The following OAS3 variants were observed in gnomAD, a reference collection of about 807,000 sequenced individuals.
The protein encoded by OAS3 is 2'-5'-oligoadenylate synthetase 3, also known as 2'-5'-oligoadenylate synthase 3.
In OAS3, 107 loss-of-function variants were observed where a neutral mutation model predicts 113.0. That is an observed-to-expected ratio of 0.95 (90% CI 0.81 to 1.11). OAS3 has a LOEUF of 1.11. Among genes scored for constraint, OAS3 ranks in the 50% most tolerant of loss-of-function variants. OAS3 has a pLI of 0.00. For synonymous variants in OAS3, 552 were observed against 573.6 expected, an observed-to-expected ratio of 0.96 and a Z score of 0.54; for missense variants, 1,258 against 1,389.1, an observed-to-expected ratio of 0.91 and a Z score of 1.50.
intron 11 of OAS3, among the ~76,000 whole-genome samples, chr12:112,965,127 C>A (rs1353241743): frequency 2.0e-5 from 3 of 152,222 alleles, no homozygotes; most frequent in Admixed American, 6.5e-5. Context: ...GTTGGAGAGA[C>A]AAGTGAGACC....
In OAS3 at chr12:112,972,190, A is replaced by G. The variant is rs2043990732; in HGVS notation, c.*2217A>G. ...CTGGGCCTCCCCGCAAAATGGCTCC[A>G]GAATTAGAGTAATTATGAGATGGTG... On this transcript the variant is annotated 3_prime_UTR_variant, in exon 16 of 16. Transcript: ENST00000228928. 1 of 152,264 alleles carries G rather than the reference A, an allele frequency of 6.6e-6. No homozygotes were observed. Among genetic ancestry groups the G allele is most frequent in the Admixed American group, 6.5e-5 (1 of 15,290 alleles). The allele number at this position is 152,264 out of a possible 1,614,324, so 9.4% of individuals were successfully genotyped here. A position where few individuals can be genotyped will look rare whatever the true frequency, so the allele number is the denominator to read the frequency against.
rs1273409058 is a variant in OAS3, at chr12:112,969,971, T to G, written c.3262T>G (p.Ter1088GlyextTer2). 1.2e-6 allele frequency: 2 copies of G among 1,608,038 alleles called. No individual in the cohort carries two copies. Among genetic ancestry groups the G allele is most frequent in the Admixed American group, 3.4e-5 (2 of 59,228 alleles). The part of the protein sequence containing the change: ...IQPWPVKAAV[*>G] ...TATAATACTTCCCCAGGCTGCTGTG[T>G]GAAGTTGAGAAAATCAGCGGTCCTA... is the stretch of plus-strand genomic sequence containing the variant. The change falls in exon 16 of 16, where the codon TGA becomes GGA. Residue 1088 changes from the stop codon to glycine, a stop_lost. Transcript: ENST00000228928.
chr12:112,959,219 C>T (rs2043861317), intron 7 of OAS3, among the ~76,000 whole-genome samples: 1 of 152,182 alleles, frequency 6.6e-6, no homozygotes, highest in African/African-American at 2.4e-5. Context: ...GTGGGAGTGT[C>T]TCGATTTTCC....
intron 7 of OAS3, among the ~76,000 whole-genome samples, chr12:112,958,832 T>G (rs1400340706): frequency 6.6e-6 from 1 of 152,256 alleles, no homozygotes; most frequent in Non-Finnish European, 1.5e-5. Context: ...TTCTCAGATC[T>G]CAAACTCCAT....
chr12:112,961,245 A>C lies in OAS3; in HGVS notation c.1832A>C (p.Gln611Pro). 6.2e-7 allele frequency: 1 copy of C among 1,613,220 alleles called. No homozygotes were observed. Among genetic ancestry groups the C allele is most frequent in the Non-Finnish European group, 8.5e-7 (1 of 1,179,344 alleles). Reference protein sequence around the residue: ...LILLVKHWYRQVAAQNKGKGP... With the variant: ...LILLVKHWYRPVAAQNKGKGP... ...CTGCTGGTGAAGCACTGGTACCGCC[A>C]GGTGAGTTGCCCCTGGCTCCTCCCA... The change falls in exon 8 of 16, where the codon CAG (glutamine) becomes CCG (proline). Residue 611 changes from glutamine (Q) to proline (P), a missense_variant and splice_region_variant. Transcript: ENST00000228928.
chr12:112,948,518 A>G (rs2136348055), intron 5 of OAS3, among the ~76,000 whole-genome samples: 1 of 151,584 alleles, frequency 6.6e-6, no homozygotes, highest in Non-Finnish European at 1.5e-5. Context: ...AAAAAAAAAA[A>G]AAAATGCACA....
rs781506488 is a variant in OAS3, at chr12:112,948,082, C to T, written c.1012C>T (p.Gln338Ter). The change falls in exon 5 of 16, where the codon CAG (glutamine) becomes TAG (stop). Residue 338 changes from glutamine (Q) to a stop codon, truncating the protein, a stop_gained. Transcript: ENST00000228928. LOFTEE classifies it high-confidence loss of function. ...TCTGAGGGGGATGGGGGACCCAGTG[C>T]AGTCTTGGAAGGGGCCGGTAAGTGA... ...CFLRGMGDPV[Q>*]SWKGPGLPRA... 9.0e-6 allele frequency: 14 copies of T among 1,555,358 alleles called. No homozygotes were observed. In the African/African-American group the frequency reaches 1.7e-4, roughly 18 times the overall value.
intron 3 of OAS3, 107 bp downstream of exon 3, chr12:112,944,758 T>C: frequency 8.2e-7 from 1 of 1,212,660 alleles, no homozygotes; most frequent in Non-Finnish European, 1.2e-6. Flanking sequence ...GTTCTCTCTC[T>C]GGGAATTGTC....
intron 2 of OAS3, 140 bp from the exon 3 acceptor site, chr12:112,944,336 G>A (rs567235633): frequency 6.1e-4 from 509 of 830,316 alleles, no homozygotes; most frequent in African/African-American, 1.1e-3. Context: ...CCAGTCCCCC[G>A]ACTCCCATGT....
Position 112,972,198 on chromosome 12 carries a change from A to G in OAS3, c.*2225A>G, listed in dbSNP as rs1226082150. On this transcript the variant is annotated 3_prime_UTR_variant, in exon 16 of 16. Transcript: ENST00000228928. ...CCCCGCAAAATGGCTCCAGAATTAG[A>G]GTAATTATGAGATGGTGGGAACCAG... The G allele has an allele frequency of 2.0e-5, 3 of 152,168 alleles. No individual in the cohort carries two copies. Among genetic ancestry groups the G allele is most frequent in the Non-Finnish European group, 4.4e-5 (3 of 68,064 alleles). The allele number at this position is 152,168 out of a possible 1,614,324, so 9.4% of individuals were successfully genotyped here. A position where few individuals can be genotyped will look rare whatever the true frequency, so the allele number is the denominator to read the frequency against.
At chr12:112,939,161 A>G (rs2043657280) in intron 1 of OAS3, among the ~76,000 whole-genome samples, 1 of 152,242 alleles carries the variant, frequency 6.6e-6, no homozygotes, top group African/African-American at 2.4e-5. Context: ...ATTTATTGAG[A>G]CATTATCAAA....
intron 1 of OAS3, among the ~76,000 whole-genome samples, chr12:112,940,425 C>T (rs908599498): frequency 6.6e-6 from 1 of 152,164 alleles, no homozygotes; most frequent in Non-Finnish European, 1.5e-5. Flanking sequence ...TATCTGCAGC[C>T]ACATGTAACT....
intron 3 of OAS3, 83 bp from the exon 4 acceptor site, chr12:112,946,660 G>C: frequency 8.1e-7 from 1 of 1,237,308 alleles, no homozygotes; most frequent in Non-Finnish European, 1.1e-6. Flanking sequence ...CGGCCTGGAA[G>C]GTCCCCAGTC....
At position 112,941,653 on chromosome 12, in the gene OAS3, T is replaced by C; in HGVS notation, c.261T>C (p.Tyr87=). The change falls in exon 2 of 16, where the codon TAT becomes TAC. Residue 87 remains tyrosine (Y), a synonymous_variant. Transcript: ENST00000228928. ...TCTTCCTCGACTGCTTCAAGAGCTA[T>C]GTGGACCAGAGGGCCCGCCGTGCAG... ...LVIFLDCFKS[Y]VDQRARRAEI... 4 of 1,614,060 alleles carry C rather than the reference T, an allele frequency of 2.5e-6. No homozygotes were observed. Among genetic ancestry groups the C allele is most frequent in the South Asian group, 1.1e-5 (1 of 91,082 alleles).
At chr12:112,942,753 T>C (rs1243197692) in intron 2 of OAS3, among the ~76,000 whole-genome samples, 4 of 151,212 alleles carry the variant, frequency 2.6e-5, no homozygotes, top group Non-Finnish European at 5.9e-5. Flanking sequence ...ATAAGGGTTG[T>C]AAGAGTGTTT....
intron 11 of OAS3, 76 bp downstream of exon 11, chr12:112,964,484 C>T (rs551086398): frequency 2.1e-6 from 3 of 1,452,274 alleles, no homozygotes; most frequent in East Asian, 4.8e-5. Flanking sequence ...CCAGGCTTGA[C>T]CCACTTCCGC....
Position 112,963,353 on chromosome 12 carries a change from G to A in OAS3, c.2125G>A (p.Gly709Ser). Residue 709 changes from glycine (G) to serine (S), a missense_variant, in exon 10 of 16, where the codon GGC becomes AGC. By Grantham distance (56) the Gly-to-Ser change is moderately conservative (BLOSUM62 0). Coordinates refer to ENST00000228928, the MANE Select transcript of OAS3 (RefSeq NM_006187.4). The surrounding 1 kb of genome is among the most constrained non-coding windows in gnomAD (Gnocchi z 4.6). ...LDPADPTWNVGHGSWELLAQE... is the reference protein window; with the variant it reads ...LDPADPTWNVSHGSWELLAQE... ...CCCCGCTGATCCCACCTGGAACGTG[G>A]GCCACGGTAGCTGGGAGCTGTTGGC... 2 of 1,564,564 alleles carry A rather than the reference G, an allele frequency of 1.3e-6. No homozygotes were observed. The highest frequency in any genetic ancestry group is 2.7e-5 in the African/African-American group (2 of 73,480).
At position 112,962,913 on chromosome 12, in the gene OAS3, G is replaced by C; in HGVS notation, c.2084+11G>C. 1 of 1,611,834 alleles carries C rather than the reference G, an allele frequency of 6.2e-7. No individual in the cohort carries two copies. The highest frequency in any genetic ancestry group is 8.5e-7 in the Non-Finnish European group (1 of 1,178,164). ...GCTTCGAAAACCCAGGTGAAGACCC[G>C]CTTCCCTTTGCCTGGCTTCATTATC... is the stretch of plus-strand genomic sequence containing the variant. On this transcript the variant is annotated intron_variant, in intron 9 of 15. Transcript: ENST00000228928.
Position 112,941,864 on chromosome 12 carries a change from C to G in OAS3, c.460+12C>G. On this transcript the variant is annotated intron_variant, in intron 2 of 15. Coordinates refer to ENST00000228928, the MANE Select transcript of OAS3 (RefSeq NM_006187.4). ...CTTCAATGTCCTGGGTGAGGGGTTC[C>G]TAGACCATTCCAGGGTTGGGGGCAA... 2 of 1,613,884 alleles carry G rather than the reference C, an allele frequency of 1.2e-6. No homozygotes were observed. The highest frequency in any genetic ancestry group is 1.7e-6 in the Non-Finnish European group (2 of 1,179,812).
Sources: gnomAD v4.1 joint callset for allele counts (sites outside exome capture counted in the v4.1 genomes callset) on GRCh38, gnomAD v4.1.1 for gene constraint, Gnocchi (gnomAD v3.1) non-coding constraint, MANE v1.5 for transcripts, NCBI Gene and HGNC (gene_info 2026-07-23, HGNC 2026-07-21) for gene names.